The following NOX3 variants were observed in gnomAD, a reference collection of about 807,000 sequenced individuals.
NOX3 encodes NADPH oxidase 3.
A neutral mutation model predicts 76.7 loss-of-function variants in NOX3; 74 were observed. The ratio of observed to expected loss-of-function variants is 0.96; its 90% CI spans 0.80 to 1.17. The LOEUF (loss-of-function observed/expected upper bound fraction) is 1.17. NOX3 is among the 50% of genes most tolerant of loss of function. The probability of loss-of-function intolerance (pLI) is 0.00; values close to 1 mark genes in which losing one functional copy is unlikely to be tolerated. For synonymous variants in NOX3, 263 were observed against 261.1 expected (o/e 1.01, Z -0.07); for missense variants, 695 against 703.3 (o/e 0.99, Z 0.13).
Position 155,428,907 on chromosome 6 carries a change from G to C in NOX3, c.1032C>G (p.Pro344=), listed in dbSNP as rs1186199791. The C allele has an allele frequency of 6.2e-7, 1 of 1,613,802 alleles. No homozygotes were observed. The highest frequency in any genetic ancestry group is 8.5e-7 in the Non-Finnish European group (1 of 1,179,840). ...TGTGCACGCTGAAAAAGTCCTCCTG[G>C]GGGGCAGAGGTAAGGGTGAAGGGGT... ...EWHPFTLTSA[P]QEDFFSVHIR... The change falls in exon 9 of 14, where the codon CCC becomes CCG. Residue 344 remains proline (P), a synonymous_variant. Transcript: ENST00000159060.
intron 4 of NOX3, among the ~76,000 whole-genome samples, chr6:155,450,571 G>A (rs1223915481): frequency 6.6e-6 from 1 of 152,134 alleles, no homozygotes; most frequent in Non-Finnish European, 1.5e-5. Context: ...AGCTTCTGGG[G>A]AATGAATTTC....
At chr6:155,414,623 C>CTTTTTTTTTTTTTTTTTTTTTTTTTT (rs72348061) in intron 10 of NOX3, among the ~76,000 whole-genome samples, 5 of 113,790 alleles carry the variant, frequency 4.4e-5, no homozygotes, top group South Asian at 2.7e-4. Flanking sequence ...TCTTTTCTTT[C>CTTTTTTTTTTTTTTTTTTTTTTTTTT]TTTTTTTTTT....
intron 10 of NOX3, 36 bp downstream of exon 10, chr6:155,422,658 A>T: frequency 6.2e-7 from 1 of 1,603,278 alleles, no homozygotes; most frequent in Non-Finnish European, 8.5e-7. Flanking sequence ...TGAACCTTTT[A>T]ATCCATGGAA....
chr6:155,423,797 G>A (rs1368297333), intron 9 of NOX3, among the ~76,000 whole-genome samples: 4 of 148,154 alleles, frequency 2.7e-5, no homozygotes, highest in Non-Finnish European at 3.0e-5. Context: ...CTGGAGTGCA[G>A]TGATGCGATC....
intron 4 of NOX3, among the ~76,000 whole-genome samples, chr6:155,449,134 G>A (rs1030281979): frequency 6.6e-6 from 1 of 152,028 alleles, no homozygotes; most frequent in African/African-American, 2.4e-5. Flanking sequence ...CTCAAGCCTG[G>A]GTCTCCAAAT....
At chr6:155,397,390 G>A (rs1027228309) in intron 12 of NOX3, among the ~76,000 whole-genome samples, 1 of 152,188 alleles carries the variant, frequency 6.6e-6, no homozygotes, top group African/African-American at 2.4e-5. Flanking sequence ...CTTACACAAT[G>A]CCTGGACTTG....
chr6:155,447,185 C>T (rs766134078), intron 4 of NOX3, among the ~76,000 whole-genome samples: 1 of 151,964 alleles, frequency 6.6e-6, no homozygotes, highest in African/African-American at 2.4e-5. Flanking sequence ...GCTGGGATTA[C>T]AGGCACACGC....
rs934631819 is a variant in NOX3, at chr6:155,406,979, C to T, written c.1580+151G>A. On this transcript the variant is annotated intron_variant, in intron 12 of 13. Transcript: ENST00000159060. ...AGCCAGTTCAGGAGAGGCTTGTGGC[C>T]CCTGAAATATACCATTGATCACCTT... The T allele has an allele frequency of 2.0e-5, 16 of 796,302 alleles. No individual in the cohort carries two copies. In the African/African-American group the frequency reaches 2.8e-4, roughly 14 times the overall value. 49.3% of individuals were successfully genotyped at this position (796,302 alleles called of 1,614,324 possible). A position where few individuals can be genotyped will look rare whatever the true frequency, so the allele number is the denominator to read the frequency against.
intron 9 of NOX3, among the ~76,000 whole-genome samples, chr6:155,424,405 A>T (rs548962816): frequency 6.6e-6 from 1 of 152,358 alleles, no homozygotes; most frequent in Non-Finnish European, 1.5e-5. Context: ...TATTTCAGTC[A>T]GCAGAATGTA....
chr6:155,427,103 G>A (rs1776768657), intron 9 of NOX3, among the ~76,000 whole-genome samples: 1 of 151,192 alleles, frequency 6.6e-6, no homozygotes, highest in Admixed American at 6.6e-5. Context: ...CATTTGCTCT[G>A]CACTCTGAAC....
chr6:155,410,019 A>C (rs1296254900), intron 11 of NOX3, among the ~76,000 whole-genome samples: 2 of 152,206 alleles, frequency 1.3e-5, no homozygotes, highest in South Asian at 2.1e-4. Flanking sequence ...AGCAGAAGAC[A>C]GAAGCTGTCT....
chr6:155,450,554 G>A (rs957231056), intron 4 of NOX3, among the ~76,000 whole-genome samples: 3 of 152,180 alleles, frequency 2.0e-5, no homozygotes, highest in Non-Finnish European at 2.9e-5. Flanking sequence ...CAGCCCTGGA[G>A]GTGATCAGCT....
rs1425797881 is a variant in NOX3, at chr6:155,411,247, A to G, written c.1422T>C (p.Tyr474=). 1.9e-6 allele frequency: 3 copies of G among 1,614,110 alleles called. No individual in the cohort carries two copies. Among genetic ancestry groups the G allele is most frequent in the South Asian group, 1.1e-5 (1 of 91,070 alleles). Residue 474 remains tyrosine (Y), a synonymous_variant, in exon 11 of 14, where the codon TAT becomes TAC. Transcript: ENST00000159060. ...CATCCCAGCCGGTAAGAAATATATG[A>G]TAACTCAGAAAGTGAGTTTTCCCCT... ...SEQGKTHFLS[Y]HIFLTGWDEN... is the part of the protein sequence containing the mutation.
chr6:155,435,382 A>T (rs1403451445), intron 7 of NOX3, among the ~76,000 whole-genome samples: 1 of 152,128 alleles, frequency 6.6e-6, no homozygotes, highest in Non-Finnish European at 1.5e-5. Context: ...CTGAGAGTTG[A>T]GTTTAAGACA....
intron 11 of NOX3, among the ~76,000 whole-genome samples, chr6:155,409,282 C>T (rs889555355): frequency 2.6e-5 from 4 of 151,966 alleles, no homozygotes; most frequent in Admixed American, 6.6e-5. Context: ...AAGCCATGGA[C>T]GTGTGACTGT....
chr6:155,406,315 C>T lies in NOX3; in HGVS notation c.1580+815G>A, dbSNP rs988776152. On this transcript the variant is annotated intron_variant, in intron 12 of 13. Coordinates refer to ENST00000159060, the MANE Select transcript of NOX3 (RefSeq NM_015718.3). ...ATCATCCATATTTTTCAATGGGGTGCGAAAGCTCAAATAAGCTGCCTCTTC... is the reference window on the plus strand; with the variant it reads ...ATCATCCATATTTTTCAATGGGGTGTGAAAGCTCAAATAAGCTGCCTCTTC... Among the ~76,000 whole-genome samples, 6 of 152,238 alleles carry T rather than the reference C, an allele frequency of 3.9e-5. No individual in the cohort carries two copies. In the South Asian group the frequency reaches 6.2e-4, roughly 16 times the overall value.
At chr6:155,417,424 C>T (rs192344631) in intron 10 of NOX3, among the ~76,000 whole-genome samples, 1 of 152,282 alleles carries the variant, frequency 6.6e-6, no homozygotes, top group East Asian at 1.9e-4. Flanking sequence ...TGCAAGAAGA[C>T]TGTAGTCACG....
At chr6:155,449,469 C>T (rs1361200231) in intron 4 of NOX3, among the ~76,000 whole-genome samples, 2 of 151,970 alleles carry the variant, frequency 1.3e-5, no homozygotes, top group African/African-American at 4.8e-5. Context: ...ATTTTTATAC[C>T]CATGGGGTTA....
intron 10 of NOX3, among the ~76,000 whole-genome samples, chr6:155,418,890 A>G (rs11961123): frequency 0.054 from 8,177 of 152,280 alleles, 742 homozygotes; most frequent in African/African-American, 0.19. Context: ...CAGTGTTTTT[A>G]CACATGGAGG....
Sources: gnomAD v4.1 joint callset for allele counts (sites outside exome capture counted in the v4.1 genomes callset) on GRCh38, gnomAD v4.1.1 for gene constraint, MANE v1.5 for transcripts, NCBI Gene and HGNC (gene_info 2026-07-23, HGNC 2026-07-21) for gene names.